The following PTPRD variants were observed in gnomAD, a reference collection of about 807,000 sequenced individuals.
The protein encoded by PTPRD is receptor-type tyrosine-protein phosphatase delta.
Under a neutral mutation model 214.5 loss-of-function variants are expected in PTPRD, and 34 were observed. That is an observed-to-expected ratio of 0.16 (90% CI 0.12 to 0.21). PTPRD has a LOEUF of 0.21. Among genes scored for constraint, PTPRD ranks in the 10% least tolerant of loss-of-function variants. The pLI is 1.00. For synonymous variants in PTPRD, 1,128 were observed against 845.7 expected (o/e 1.33, Z -5.79); for missense variants, 2,545 against 2,398.7 (o/e 1.06, Z -1.27).
At chr9:8,496,210 AAACACAC>A in intron 26 of PTPRD, among the ~76,000 whole-genome samples, 1 of 121,486 alleles carries the variant, frequency 8.2e-6, no homozygotes, top group African/African-American at 2.9e-5. Context: ...ACACACACAC[AAACACAC>A]ACACACACAC....
intron 3 of PTPRD, among the ~76,000 whole-genome samples, chr9:10,087,311 G>C (rs2098359695): frequency 6.6e-6 from 1 of 151,468 alleles, no homozygotes; most frequent in Non-Finnish European, 1.5e-5. Context: ...TTGGCACAAA[G>C]ATAGCATTAG....
chr9:10,362,949 C>A (rs927188825), intron 2 of PTPRD, among the ~76,000 whole-genome samples: 3 of 152,032 alleles, frequency 2.0e-5, no homozygotes, highest in African/African-American at 7.2e-5. Context: ...GAACCCAGAA[C>A]AATGACTAGT....
chr9:8,923,526 G>A (rs762600406), intron 11 of PTPRD, among the ~76,000 whole-genome samples: 6 of 152,052 alleles, frequency 3.9e-5, no homozygotes, highest in Non-Finnish European at 7.3e-5. Flanking sequence ...AACTAAGTAA[G>A]CATTATGTGA....
chr9:9,245,390 C>T (rs1006010006), intron 9 of PTPRD, among the ~76,000 whole-genome samples: 2 of 152,072 alleles, frequency 1.3e-5, no homozygotes, highest in Admixed American at 6.6e-5. Context: ...CAATGATAGA[C>T]TGGATTAAGA....
At chr9:10,508,570 G>A (rs904507111) in intron 2 of PTPRD, among the ~76,000 whole-genome samples, 1 of 152,148 alleles carries the variant, frequency 6.6e-6, no homozygotes, top group Non-Finnish European at 1.5e-5. Context: ...TAATAGAATG[G>A]ATTAAGAAAA....
chr9:10,269,441 C>T (rs1027898275), intron 3 of PTPRD, among the ~76,000 whole-genome samples: 2 of 152,112 alleles, frequency 1.3e-5, no homozygotes, highest in African/African-American at 4.8e-5. Context: ...GAAGTGTCAA[C>T]AAATATACAT....
At chr9:9,244,106 A>T (rs987555688) in intron 9 of PTPRD, among the ~76,000 whole-genome samples, 2 of 152,182 alleles carry the variant, frequency 1.3e-5, no homozygotes, top group African/African-American at 4.8e-5. Flanking sequence ...TCCAAGGAGA[A>T]CTACAAACCA....
chr9:8,505,601 G>A (rs1345821447), intron 22 of PTPRD, among the ~76,000 whole-genome samples: 35 of 126,136 alleles, frequency 2.8e-4, no homozygotes, highest in Non-Finnish European at 5.1e-4. Context: ...CAGTCTAGGC[G>A]ACAGAGTGAG....
chr9:8,869,348 A>G (rs2098253805), intron 11 of PTPRD, among the ~76,000 whole-genome samples: 1 of 152,214 alleles, frequency 6.6e-6, no homozygotes, highest in Admixed American at 6.6e-5. Context: ...AATGCCTAAC[A>G]AATAAGAGGT....
At chr9:8,457,077 T>G (rs913126157) in intron 33 of PTPRD, among the ~76,000 whole-genome samples, 1 of 152,228 alleles carries the variant, frequency 6.6e-6, no homozygotes, top group Non-Finnish European at 1.5e-5. Flanking sequence ...GGACGTGCAG[T>G]ACCAATACTA....
intron 40 of PTPRD, 46 bp from the exon 41 acceptor site, chr9:8,341,314 T>C (rs746121285): frequency 1.1e-5 from 17 of 1,532,520 alleles, no homozygotes; most frequent in Non-Finnish European, 1.4e-5. Flanking sequence ...ACAAAGATCA[T>C]TTTCACCTAC....
intron 2 of PTPRD, among the ~76,000 whole-genome samples, chr9:10,457,217 G>T (rs2098924937): frequency 6.6e-6 from 1 of 151,718 alleles, no homozygotes; most frequent in Non-Finnish European, 1.5e-5. Flanking sequence ...TTCATTTTAA[G>T]GGTTCAATTA....
At chr9:9,849,402 A>G (rs1565747903) in intron 5 of PTPRD, among the ~76,000 whole-genome samples, 1 of 152,176 alleles carries the variant, frequency 6.6e-6, no homozygotes, top group Non-Finnish European at 1.5e-5. Flanking sequence ...TTCAGTTTTT[A>G]CACAAAAGCT....
At chr9:9,211,988 A>G (rs1338939557) in intron 9 of PTPRD, among the ~76,000 whole-genome samples, 1 of 152,166 alleles carries the variant, frequency 6.6e-6, no homozygotes, top group African/African-American at 2.4e-5. Context: ...TGAACATAAA[A>G]TTTTAGAAGC....
intron 3 of PTPRD, among the ~76,000 whole-genome samples, chr9:10,202,720 T>C (rs140957004): frequency 1.4e-5 from 2 of 138,528 alleles, no homozygotes; most frequent in Middle Eastern, 3.8e-3. Context: ...ATAGTTAATA[T>C]GTGTTAATTA....
At chr9:8,670,232 G>C (rs2097255611) in intron 12 of PTPRD, among the ~76,000 whole-genome samples, 1 of 152,026 alleles carries the variant, frequency 6.6e-6, no homozygotes, top group Non-Finnish European at 1.5e-5. Context: ...GCATTATGTG[G>C]TACATTAGAT....
At chr9:9,446,266 T>C (rs1413792200) in intron 8 of PTPRD, among the ~76,000 whole-genome samples, 1 of 152,150 alleles carries the variant, frequency 6.6e-6, no homozygotes, top group African/African-American at 2.4e-5. Context: ...AAAGAACTTA[T>C]ACATCTGTCC....
At chr9:10,024,277 G>C (rs1323542873) in intron 4 of PTPRD, among the ~76,000 whole-genome samples, 1 of 152,108 alleles carries the variant, frequency 6.6e-6, no homozygotes, top group Non-Finnish European at 1.5e-5. Context: ...CCTAAATAGA[G>C]ACTTATAAAT....
intron 5 of PTPRD, among the ~76,000 whole-genome samples, chr9:9,804,510 C>T (rs910971401): frequency 9.2e-5 from 14 of 152,020 alleles, no homozygotes; most frequent in Admixed American, 9.2e-4. Flanking sequence ...AATTTTCAAC[C>T]AGAAAGGAAC....
Sources: gnomAD v4.1 joint callset for allele counts (sites outside exome capture counted in the v4.1 genomes callset) on GRCh38, gnomAD v4.1.1 for gene constraint, MANE v1.5 for transcripts, NCBI Gene and HGNC (gene_info 2026-07-23, HGNC 2026-07-21) for gene names.